COX16: variants seen among roughly 807,000 people sequenced by gnomAD.
The protein encoded by COX16 is cytochrome c oxidase assembly factor COX16, also known as cytochrome c oxidase assembly protein COX16 homolog, mitochondrial.
COX16 carries 12 observed loss-of-function variants against 15.4 expected under a neutral mutation model. That is an observed-to-expected ratio of 0.78 (90% CI 0.50 to 1.26). The LOEUF (loss-of-function observed/expected upper bound fraction) is 1.26. Ranked by LOEUF, COX16 falls within the 50% of genes most tolerant of loss-of-function variation. COX16 has a pLI of 0.00. For synonymous variants in COX16, 46 were observed against 41.1 expected, an observed-to-expected ratio of 1.12 and a Z score of -0.46; for missense variants, 124 against 127.6, an observed-to-expected ratio of 0.97 and a Z score of 0.14.
intron 2 of COX16, among the ~76,000 whole-genome samples, chr14:70,341,196 G>C (rs1886613754): frequency 6.6e-6 from 1 of 152,124 alleles, no homozygotes; most frequent in African/African-American, 2.4e-5. Context: ...TTTTAACACA[G>C]TTAAATTGAA....
chr14:70,337,804 T>C (rs1292777029), intron 2 of COX16, among the ~76,000 whole-genome samples: 2 of 151,828 alleles, frequency 1.3e-5, no homozygotes, highest in Admixed American at 6.6e-5. Context: ...ATATAGTAAC[T>C]GAAATCACTA....
intron 1 of COX16, chr14:70,359,178 G>C: frequency 2.1e-6 from 1 of 476,056 alleles, no homozygotes; most frequent in South Asian, 1.5e-5. Context: ...TTGGCTTAAA[G>C]TGTGGTTCTG....
intron 1 of COX16, among the ~76,000 whole-genome samples, chr14:70,352,640 T>C (rs924794085): frequency 1.3e-4 from 10 of 77,512 alleles, no homozygotes; most frequent in Non-Finnish European, 3.4e-4. Flanking sequence ...TATTTCTTTT[T>C]TTTTCTTTTT....
intron 1 of COX16, among the ~76,000 whole-genome samples, chr14:70,348,876 C>T (rs969419747): frequency 1.3e-5 from 2 of 152,194 alleles, no homozygotes; most frequent in Non-Finnish European, 2.9e-5. Context: ...CGGGACAATC[C>T]TATATCGGCT....
At chr14:70,337,202 T>C (rs1886481722) in intron 2 of COX16, among the ~76,000 whole-genome samples, 1 of 152,126 alleles carries the variant, frequency 6.6e-6, no homozygotes, top group South Asian at 2.1e-4. Context: ...AGGTTGAAAA[T>C]TCTCTGAAAA....
At chr14:70,338,420 A>G (rs904541634) in intron 2 of COX16, among the ~76,000 whole-genome samples, 6 of 152,062 alleles carry the variant, frequency 3.9e-5, no homozygotes, top group African/African-American at 1.4e-4. Flanking sequence ...GCCCCAGAAG[A>G]TAATTTGAAA....
intron 1 of COX16, among the ~76,000 whole-genome samples, chr14:70,346,033 C>G (rs1053842909): frequency 1.3e-5 from 2 of 152,100 alleles, no homozygotes; most frequent in African/African-American, 4.8e-5. Flanking sequence ...TCTCCTCCCC[C>G]ACTGCCCTCT....
At chr14:70,359,093 G>T in intron 1 of COX16, 1 of 431,902 alleles carries the variant, frequency 2.3e-6, no homozygotes, top group South Asian at 1.7e-5. Context: ...AATACATCTA[G>T]TCCCAATGAT....
intron 3 of COX16, among the ~76,000 whole-genome samples, chr14:70,327,350 A>C (rs1345739522): frequency 6.7e-6 from 1 of 148,628 alleles, no homozygotes. Flanking sequence ...AATACTCTAC[A>C]TTTGAGAGTC....
At chr14:70,351,506 A>T (rs1217660868) in intron 1 of COX16, among the ~76,000 whole-genome samples, 1 of 152,210 alleles carries the variant, frequency 6.6e-6, no homozygotes, top group Non-Finnish European at 1.5e-5. Context: ...CAAAAGCTAG[A>T]TTTTATTGCA....
chr14:70,346,609 G>A (rs1760893102), intron 1 of COX16, among the ~76,000 whole-genome samples: 1 of 152,232 alleles, frequency 6.6e-6, no homozygotes, highest in African/African-American at 2.4e-5. Context: ...CCCTGGAATG[G>A]ATGCCCCGGC....
intron 2 of COX16, among the ~76,000 whole-genome samples, chr14:70,333,916 G>A (rs1304801038): frequency 6.6e-6 from 1 of 152,150 alleles, no homozygotes; most frequent in African/African-American, 2.4e-5. Flanking sequence ...GGCCAGAAGA[G>A]AGTGGGACAA....
At chr14:70,345,496 G>T (rs1320883875) in intron 1 of COX16, among the ~76,000 whole-genome samples, 2 of 152,050 alleles carry the variant, frequency 1.3e-5, no homozygotes, top group African/African-American at 4.8e-5. Context: ...AGCCCTCTAG[G>T]CTGCTTCATA....
At chr14:70,359,467 G>A in intron 1 of COX16, 52 bp downstream of exon 1, 5 of 1,502,924 alleles carry the variant, frequency 3.3e-6, no homozygotes, top group Non-Finnish European at 4.6e-6. Context: ...TCTTGATCCT[G>A]CCAAGGAGGA....
intron 2 of COX16, among the ~76,000 whole-genome samples, chr14:70,336,151 G>A (rs1403418927): frequency 6.6e-6 from 1 of 152,192 alleles, no homozygotes; most frequent in Admixed American, 6.5e-5. Context: ...AGCTACTCGG[G>A]AGGCTGAGGC....
intron 1 of COX16, among the ~76,000 whole-genome samples, chr14:70,345,033 C>G (rs913238680): frequency 6.6e-6 from 1 of 152,192 alleles, no homozygotes; most frequent in Non-Finnish European, 1.5e-5. Flanking sequence ...ATACAAGAAC[C>G]GTACATCTGG....
At chr14:70,341,691 TAA>T (rs533208592) in intron 2 of COX16, among the ~76,000 whole-genome samples, 6 of 152,176 alleles carry the variant, frequency 3.9e-5, no homozygotes, top group Non-Finnish European at 8.8e-5. Context: ...ACCTGTAAAA[TAA>T]AGACGATAAC....
intron 1 of COX16, among the ~76,000 whole-genome samples, chr14:70,354,829 A>AGTGTGT (rs748587558): frequency 3.5e-5 from 3 of 85,716 alleles, no homozygotes; most frequent in South Asian, 5.0e-4. Flanking sequence ...CTATGCATAG[A>AGTGTGT]GTGTGTGTGT....
At chr14:70,326,848 C>T (rs1886094676) in intron 3 of COX16, among the ~76,000 whole-genome samples, 1 of 151,934 alleles carries the variant, frequency 6.6e-6, no homozygotes, top group Middle Eastern at 3.4e-3. Flanking sequence ...GGGTGGAGAC[C>T]CTAAAGTCTT....
Sources: gnomAD v4.1 joint callset for allele counts (sites outside exome capture counted in the v4.1 genomes callset) on GRCh38, gnomAD v4.1.1 for gene constraint, MANE v1.5 for transcripts, NCBI Gene and HGNC (gene_info 2026-07-23, HGNC 2026-07-21) for gene names.